The following MYO1E variants were observed in gnomAD, a reference collection of about 807,000 sequenced individuals.
MYO1E encodes the protein myosin IE, also known as unconventional myosin-Ie.
In MYO1E, 68 loss-of-function variants were observed where a neutral mutation model predicts 151.1. That is an observed-to-expected ratio of 0.45 (90% CI 0.37 to 0.55). The LOEUF is 0.55. Ranked by LOEUF, MYO1E falls within the 20% of genes least tolerant of loss-of-function variation. The pLI is 0.00. For missense variants in MYO1E, 1,363 were observed against 1,389.3 expected (o/e 0.98, Z 0.30); for synonymous variants, 601 against 501.7 (o/e 1.20, Z -2.64).
At chr15:59,248,127 CAA>C (rs138467126) in intron 4 of MYO1E, among the ~76,000 whole-genome samples, 706 of 35,774 alleles carry the variant, frequency 0.02, 1 homozygote, top group African/African-American at 0.072. Flanking sequence ...GACTCCGTCT[CAA>C]AAAAAAAAAA....
At chr15:59,301,056 T>TG (rs2080479876) in intron 1 of MYO1E, among the ~76,000 whole-genome samples, 1 of 151,938 alleles carries the variant, frequency 6.6e-6, no homozygotes. Context: ...TTAGTAGACA[T>TG]GGTGCTTCAC....
At chr15:59,341,558 T>A (rs369921069) in intron 1 of MYO1E, 1 of 152,238 alleles carries the variant, frequency 6.6e-6, no homozygotes, top group South Asian at 2.1e-4. Context: ...TCAATACTTT[T>A]AATTTTTAGC....
chr15:59,152,990 A>C (rs1386246653), intron 26 of MYO1E, among the ~76,000 whole-genome samples: 2 of 152,162 alleles, frequency 1.3e-5, no homozygotes, highest in Middle Eastern at 3.2e-3. Flanking sequence ...CTACGACTCC[A>C]CAGGACATGT....
In MYO1E at chr15:59,176,393, T is replaced by C. The variant is rs140310474; in HGVS notation, c.2049+2000A>G. ...GGTTCTTAAAGCAAATAGGTAATTT[T>C]GTATATTCAGAACATTTACTATTAA... On this transcript the variant is annotated intron_variant, in intron 19 of 27. Transcript: ENST00000288235. Among the ~76,000 whole-genome samples, 777 of 152,180 alleles carry C rather than the reference T, an allele frequency of 5.1e-3. 5 individuals carry two copies. The highest frequency in any genetic ancestry group is 7.9e-3 in the Non-Finnish European group (534 of 68,018).
chr15:59,323,923 C>G (rs1180611444), intron 1 of MYO1E, among the ~76,000 whole-genome samples: 1 of 151,896 alleles, frequency 6.6e-6, no homozygotes, highest in African/African-American at 2.4e-5. Flanking sequence ...AGCAAAGACC[C>G]TTCATGAGCC....
intron 17 of MYO1E, among the ~76,000 whole-genome samples, chr15:59,195,023 A>G (rs771115610): frequency 3.9e-5 from 6 of 151,994 alleles, no homozygotes; most frequent in Non-Finnish European, 8.8e-5. Context: ...GAGGCACAGC[A>G]AATGCTGGAT....
At chr15:59,206,904 T>C in intron 14 of MYO1E, 1 of 1,585,170 alleles carries the variant, frequency 6.3e-7, no homozygotes, top group Non-Finnish European at 8.6e-7. Context: ...CAGCAGCTTT[T>C]TTCCATTCTC....
intron 2 of MYO1E, among the ~76,000 whole-genome samples, chr15:59,264,289 T>C (rs1278166440): frequency 1.3e-5 from 2 of 152,220 alleles, no homozygotes; most frequent in African/African-American, 4.8e-5. Context: ...TAAAAGTTGC[T>C]TAAGGTCACA....
intron 26 of MYO1E, 38 bp from the exon 27 acceptor site, chr15:59,138,405 CA>C (rs750859406): frequency 1.2e-6 from 2 of 1,609,578 alleles, no homozygotes; most frequent in East Asian, 2.2e-5. Context: ...TGGGCCCCAA[CA>C]GGGGGCAGCA....
chr15:59,353,473 C>G (rs555821074), intron 1 of MYO1E, among the ~76,000 whole-genome samples: 72 of 151,042 alleles, frequency 4.8e-4, no homozygotes, highest in African/African-American at 1.7e-3. Context: ...GGTGAAGAAA[C>G]AGGCCAGGTG....
At chr15:59,307,547 C>T (rs971642854) in intron 1 of MYO1E, among the ~76,000 whole-genome samples, 84 of 152,160 alleles carry the variant, frequency 5.5e-4, no homozygotes, top group African/African-American at 2.0e-3. Flanking sequence ...TCTAAGACCC[C>T]TAATCTAGCT....
chr15:59,158,825 C>T (rs535651947), intron 24 of MYO1E, among the ~76,000 whole-genome samples: 7 of 152,306 alleles, frequency 4.6e-5, no homozygotes, highest in African/African-American at 1.7e-4. Flanking sequence ...GCCTTGCACG[C>T]AAGAGTGTGT....
rs1445797685 is a variant in MYO1E, at chr15:59,159,816, C to G, written c.2785+1257G>C. Among the ~76,000 whole-genome samples the G allele has an allele frequency of 6.6e-6, 1 of 152,064 alleles. No individual in the cohort carries two copies. The highest frequency in any genetic ancestry group is 1.9e-4 in the East Asian group (1 of 5,194). On this transcript the variant is annotated intron_variant, in intron 24 of 27. Coordinates refer to ENST00000288235, the MANE Select transcript of MYO1E (RefSeq NM_004998.4). The surrounding 1 kb of genome is among the most constrained non-coding windows in gnomAD (Gnocchi z 4.4). ...TGTTAGAGAACATGTTAAGGTGTACCTTTGCAGACAGATTTGAGAAATGGC... is the reference window on the plus strand; with the variant it reads ...TGTTAGAGAACATGTTAAGGTGTACGTTTGCAGACAGATTTGAGAAATGGC...
intron 17 of MYO1E, among the ~76,000 whole-genome samples, chr15:59,192,686 T>A (rs2079741286): frequency 6.6e-6 from 1 of 152,026 alleles, no homozygotes; most frequent in Admixed American, 6.6e-5. Context: ...GTGGATAGAG[T>A]TTGAAATGGG....
intron 11 of MYO1E, 125 bp downstream of exon 11, chr15:59,214,515 T>C (rs1178775454): frequency 1.9e-6 from 2 of 1,047,062 alleles, no homozygotes; most frequent in African/African-American, 3.2e-5. Context: ...TGAGCCTGAG[T>C]TGTTTTTTTT....
rs1036533217 is a variant in MYO1E at position 59,372,847 on chromosome 15, A to T, written c.-347T>A. 1.2e-5 allele frequency: 5 copies of T among 405,722 alleles called. No homozygotes were observed. The highest frequency in any genetic ancestry group is 2.2e-5 in the Non-Finnish European group (5 of 225,366). 25.1% of individuals were successfully genotyped at this position (405,722 alleles called of 1,614,324 possible). ...TCACTCCTCTTTCTTCGGCCACTTAATCCGTACTCCTCTGGCTGAGTCTCG... is the reference window on the plus strand; with the variant it reads ...TCACTCCTCTTTCTTCGGCCACTTATTCCGTACTCCTCTGGCTGAGTCTCG... On this transcript the variant is annotated 5_prime_UTR_variant, in exon 1 of 28. Transcript: ENST00000288235.
intron 2 of MYO1E, among the ~76,000 whole-genome samples, chr15:59,270,687 G>A (rs1299520874): frequency 6.6e-6 from 1 of 150,522 alleles, no homozygotes. Context: ...CACCCAGGCT[G>A]AAGTGCAGTG....
At chr15:59,346,381 G>C (rs527390045) in intron 1 of MYO1E, among the ~76,000 whole-genome samples, 1 of 152,078 alleles carries the variant, frequency 6.6e-6, no homozygotes, top group East Asian at 1.9e-4. Context: ...GAGTGCACTG[G>C]GACACTTGAG....
chr15:59,162,648 GAAAAAAAAAAGA>G (rs1340268838), intron 23 of MYO1E, among the ~76,000 whole-genome samples: 2 of 65,186 alleles, frequency 3.1e-5, no homozygotes, highest in African/African-American at 1.0e-4. Flanking sequence ...GCCATCTCAA[GAAAAAAAAAAGA>G]AAAAAAAAAA....
Sources: allele counts gnomAD v4.1 joint callset (sites outside exome capture counted in the v4.1 genomes callset), GRCh38; gene constraint gnomAD v4.1.1; non-coding constraint Gnocchi (gnomAD v3.1); transcripts MANE v1.5; gene names NCBI Gene and HGNC (gene_info 2026-07-23, HGNC 2026-07-21).